The following TRAPPC12 variants were observed in gnomAD, a reference collection of about 807,000 sequenced individuals.
TRAPPC12 encodes the protein TPR repeat protein 15.
In TRAPPC12, 61 loss-of-function variants were observed where a neutral mutation model predicts 69.2. The ratio of observed to expected loss-of-function variants is 0.88; its 90% confidence interval spans 0.72 to 1.09. The LOEUF is 1.09. TRAPPC12 is among the 50% of genes least tolerant of loss of function. The probability of loss-of-function intolerance (pLI) is 0.00; values close to 1 mark genes in which losing one functional copy is unlikely to be tolerated. For missense variants in TRAPPC12, 1,101 were observed against 1,016.4 expected, an observed-to-expected ratio of 1.08 and a Z score of -1.13; for synonymous variants, 469 against 438.9, an observed-to-expected ratio of 1.07 and a Z score of -0.86.
chr2:3,460,382 G>T, intron 8 of TRAPPC12, 46 bp downstream of exon 8: 2 of 847,478 alleles, frequency 2.4e-6, no homozygotes, highest in Non-Finnish European at 4.1e-6. Flanking sequence ...TGGAAGAGCG[G>T]GGTCAGTGGG....
At chr2:3,415,240 G>A (rs6739163) in intron 3 of TRAPPC12, among the ~76,000 whole-genome samples, 96,785 of 151,932 alleles carry the variant, frequency 0.64, 31,344 homozygotes, top group African/African-American at 0.76. Context: ...TCTCACTCGC[G>A]GTGAATTCAA....
chr2:3,438,550 G>A (rs1269147542), intron 5 of TRAPPC12, among the ~76,000 whole-genome samples: 4 of 7,960 alleles, frequency 5.0e-4, no homozygotes, highest in Non-Finnish European at 7.2e-4. Context: ...CCCACCACCC[G>A]TGGATTGATC....
chr2:3,458,045 G>T, intron 7 of TRAPPC12: 1 of 367,128 alleles, frequency 2.7e-6, no homozygotes, highest in South Asian at 1.4e-4. Context: ...CGGGGAGAGA[G>T]GCCTCTGCGT....
chr2:3,386,481 G>A (rs1210222397), intron 1 of TRAPPC12, among the ~76,000 whole-genome samples: 1 of 152,178 alleles, frequency 6.6e-6, no homozygotes, highest in Non-Finnish European at 1.5e-5. Flanking sequence ...TCTGCGAAAC[G>A]AAGACAGTGA....
chr2:3,443,867 C>A lies in TRAPPC12; in HGVS notation c.1506C>A (p.His502Gln). ...CACAGGAGTCGCTGGATAGACTGCA[C>A]AAGGTGAAGACTGTCTGCAGCAAGG... is the stretch of plus-strand genomic sequence containing the variant. Reference protein sequence around the residue: ...GNPQESLDRLHKVKTVCSKIL... With the variant: ...GNPQESLDRLQKVKTVCSKIL... The change falls in exon 6 of 12, where the codon CAC becomes CAA. Residue 502 changes from histidine (H) to glutamine (Q), a missense_variant. Coordinates refer to ENST00000324266, the MANE Select transcript of TRAPPC12 (RefSeq NM_016030.6). The A allele has an allele frequency of 6.2e-7, 1 of 1,614,026 alleles. No individual in the cohort carries two copies.
chr2:3,400,037 G>A (rs1244202600), intron 2 of TRAPPC12, among the ~76,000 whole-genome samples: 1 of 152,222 alleles, frequency 6.6e-6, no homozygotes, highest in East Asian at 1.9e-4. Context: ...CCATCTTGGG[G>A]TTGTCCTAGT....
intron 6 of TRAPPC12, chr2:3,457,133 A>C (rs954206520): frequency 2.8e-5 from 13 of 464,500 alleles, no homozygotes; most frequent in Non-Finnish European, 5.3e-5. Context: ...AAAAGAACCA[A>C]ATCATGTTGT....
At chr2:3,417,126 G>A (rs558530109) in intron 3 of TRAPPC12, among the ~76,000 whole-genome samples, 2 of 152,230 alleles carry the variant, frequency 1.3e-5, no homozygotes, top group Non-Finnish European at 2.9e-5. Context: ...CACTTTTCAC[G>A]TGACTGTTCC....
chr2:3,447,092 C>A (rs936675375), intron 6 of TRAPPC12, among the ~76,000 whole-genome samples: 4 of 139,620 alleles, frequency 2.9e-5, no homozygotes, highest in Non-Finnish European at 6.2e-5. Flanking sequence ...TCCAGTGAGG[C>A]CTCAGGAAGC....
At chr2:3,458,189 G>A (rs962446588) in intron 7 of TRAPPC12, 1 of 999,218 alleles carries the variant, frequency 1.0e-6, no homozygotes, top group African/African-American at 1.7e-5. Context: ...ACCCCTTGGG[G>A]GACTGGGTGG....
chr2:3,392,445 CCTAGATAATGCAGCCACAACACTGCA>C (rs1488629540), intron 2 of TRAPPC12, among the ~76,000 whole-genome samples: 1 of 152,102 alleles, frequency 6.6e-6, no homozygotes, highest in Non-Finnish European at 1.5e-5. Context: ...GCGTGTTTAC[CCTAGATAATGCAGCCACAACACTGCA>C]GAGCCAGTGC....
At chr2:3,463,354 G>A (rs755691073) in intron 8 of TRAPPC12, among the ~76,000 whole-genome samples, 27 of 151,738 alleles carry the variant, frequency 1.8e-4, no homozygotes, top group Non-Finnish European at 3.2e-4. Flanking sequence ...AGGGACTGGC[G>A]AGCGCTACTG....
At chr2:3,402,367 A>G (rs1297753190) in intron 3 of TRAPPC12, among the ~76,000 whole-genome samples, 1 of 152,196 alleles carries the variant, frequency 6.6e-6, no homozygotes, top group Non-Finnish European at 1.5e-5. Flanking sequence ...CAAGGCGGGC[A>G]GATCACAAGG....
At chr2:3,421,409 A>G (rs1052006385) in intron 3 of TRAPPC12, among the ~76,000 whole-genome samples, 3 of 152,266 alleles carry the variant, frequency 2.0e-5, no homozygotes, top group Non-Finnish European at 4.4e-5. Flanking sequence ...AATTAAAATT[A>G]TGAACATATA....
intron 6 of TRAPPC12, among the ~76,000 whole-genome samples, chr2:3,448,253 A>T (rs1218774030): frequency 6.6e-6 from 1 of 152,240 alleles, no homozygotes; most frequent in Non-Finnish European, 1.5e-5. Context: ...ACACAGCTCC[A>T]GAAGCCTCAC....
chr2:3,438,349 A>T (rs1572161542), intron 5 of TRAPPC12, among the ~76,000 whole-genome samples: 1 of 29,292 alleles, frequency 3.4e-5, no homozygotes, highest in African/African-American at 1.4e-4. Context: ...AGCCCCCATC[A>T]CCCCTGGATT....
At chr2:3,419,156 C>T (rs1662625031) in intron 3 of TRAPPC12, among the ~76,000 whole-genome samples, 1 of 152,200 alleles carries the variant, frequency 6.6e-6, no homozygotes, top group African/African-American at 2.4e-5. Flanking sequence ...AGGTCATGTC[C>T]TGAGGGAAGA....
intron 8 of TRAPPC12, among the ~76,000 whole-genome samples, chr2:3,464,105 C>T (rs1665664383): frequency 1.3e-5 from 2 of 152,190 alleles, no homozygotes; most frequent in Admixed American, 6.5e-5. Context: ...TCACAAAGCC[C>T]TCCCCTGTGT....
chr2:3,382,237 T>C (rs534310258), intron 1 of TRAPPC12, among the ~76,000 whole-genome samples: 15 of 149,706 alleles, frequency 1.0e-4, no homozygotes, highest in African/African-American at 3.7e-4. Flanking sequence ...TGGGTTCAAG[T>C]GATTCTGCTG....
Sources: allele counts gnomAD v4.1 joint callset (sites outside exome capture counted in the v4.1 genomes callset), GRCh38; gene constraint gnomAD v4.1.1; transcripts MANE v1.5; gene names NCBI Gene and HGNC (gene_info 2026-07-23, HGNC 2026-07-21).